The following NRXN3 variants were observed in gnomAD, a reference collection of about 807,000 sequenced individuals.
NRXN3 encodes neurexin 3.
In NRXN3, 32 loss-of-function variants were observed where a neutral mutation model predicts 137.6. The observed-to-expected ratio is 0.23, with a 90% CI of 0.18 to 0.31. The LOEUF (loss-of-function observed/expected upper bound fraction) is 0.31. Ranked by LOEUF, NRXN3 falls within the 10% of genes least tolerant of loss-of-function variation. The pLI, the probability that NRXN3 is intolerant of heterozygous loss-of-function variation, is 1.00. For synonymous variants in NRXN3, 798 were observed against 784.5 expected, an observed-to-expected ratio of 1.02 and a Z score of -0.29; for missense variants, 1,574 against 2,062.5, an observed-to-expected ratio of 0.76 and a Z score of 4.59.
intron 12 of NRXN3, 56 bp downstream of exon 12, chr14:78,966,462 C>T (rs11851757): frequency 0.084 from 128,472 of 1,530,364 alleles, 5,676 homozygotes; most frequent in African/African-American, 0.13. Context: ...TGAAGCTCTA[C>T]GTAAAATATG....
chr14:79,183,008 A>G (rs2063114353), intron 15 of NRXN3, among the ~76,000 whole-genome samples: 1 of 152,202 alleles, frequency 6.6e-6, no homozygotes, highest in Admixed American at 6.5e-5. Flanking sequence ...GTTAAAGAGA[A>G]ATATTGCTAT....
intron 15 of NRXN3, among the ~76,000 whole-genome samples, chr14:79,106,381 G>A (rs891207448): frequency 1.3e-5 from 2 of 151,866 alleles, no homozygotes; most frequent in East Asian, 3.9e-4. Flanking sequence ...AAAAGAATAA[G>A]CCAGAAGAAC....
At chr14:79,424,173 A>G (rs11159410) in intron 15 of NRXN3, among the ~76,000 whole-genome samples, 8,190 of 152,296 alleles carry the variant, frequency 0.054, 619 homozygotes, top group East Asian at 0.17. Flanking sequence ...TAAAACACAG[A>G]CACACATACA....
At chr14:78,497,718 T>G (rs540026455) in intron 4 of NRXN3, among the ~76,000 whole-genome samples, 2 of 152,262 alleles carry the variant, frequency 1.3e-5, no homozygotes, top group South Asian at 4.1e-4. Flanking sequence ...AGGCAATATA[T>G]TTCATGGTTA....
chr14:78,555,858 A>G (rs1048241050), intron 4 of NRXN3, among the ~76,000 whole-genome samples: 1 of 152,234 alleles, frequency 6.6e-6, no homozygotes, highest in Non-Finnish European at 1.5e-5. Context: ...AGAAGAAAAC[A>G]GAAGAGGTTA....
chr14:79,836,791 G>T (rs1012835297), intron 20 of NRXN3, among the ~76,000 whole-genome samples: 3 of 152,214 alleles, frequency 2.0e-5, no homozygotes, highest in African/African-American at 7.2e-5. Flanking sequence ...ATTTGTCATT[G>T]TTTACATAGC....
chr14:78,302,671 C>A, intron 4 of NRXN3, among the ~76,000 whole-genome samples: 1 of 152,210 alleles, frequency 6.6e-6, no homozygotes, highest in East Asian at 1.9e-4. Context: ...TCAAAGTCAA[C>A]CTTCATGTCA....
At chr14:79,006,142 G>A (rs1264519149) in intron 15 of NRXN3, among the ~76,000 whole-genome samples, 1 of 112,790 alleles carries the variant, frequency 8.9e-6, no homozygotes, top group Non-Finnish European at 1.5e-5. Flanking sequence ...CAGGTTGAGA[G>A]AAAATAGTAA....
At chr14:79,675,733 G>T (rs1603417135) in intron 17 of NRXN3, among the ~76,000 whole-genome samples, 2 of 152,158 alleles carry the variant, frequency 1.3e-5, no homozygotes, top group African/African-American at 4.8e-5. Flanking sequence ...AGTTAAAAAT[G>T]ACAAACAACA....
chr14:79,533,736 G>A (rs1026383072), intron 16 of NRXN3, among the ~76,000 whole-genome samples: 5 of 152,008 alleles, frequency 3.3e-5, no homozygotes, highest in Admixed American at 6.6e-5. Flanking sequence ...TTGTTGCATC[G>A]ACAATAATAA....
chr14:78,864,791 G>T (rs1016044678), intron 10 of NRXN3, among the ~76,000 whole-genome samples: 18 of 152,244 alleles, frequency 1.2e-4, no homozygotes, highest in African/African-American at 3.6e-4. Context: ...ACAAAAGTGG[G>T]CATGGCCTGA....
intron 20 of NRXN3, among the ~76,000 whole-genome samples, chr14:79,842,976 CATGTA>C (rs2099359314): frequency 6.6e-6 from 1 of 152,142 alleles, no homozygotes. Flanking sequence ...TAAATGAGAT[CATGTA>C]ATATCTTTCT....
intron 8 of NRXN3, chr14:78,744,294 A>AT (rs1009831166): frequency 1.3e-5 from 2 of 152,034 alleles, no homozygotes; most frequent in African/African-American, 4.8e-5. Flanking sequence ...ATACCTGGCT[A>AT]TTTTTTGTGT....
chr14:79,445,746 CA>C (rs1567148985), intron 15 of NRXN3, among the ~76,000 whole-genome samples: 1 of 152,124 alleles, frequency 6.6e-6, no homozygotes, highest in East Asian at 1.9e-4. Flanking sequence ...GAAGAAATCC[CA>C]GTGCTTGTAG....
At chr14:79,833,947 A>G (rs2099330007) in intron 20 of NRXN3, among the ~76,000 whole-genome samples, 1 of 152,166 alleles carries the variant, frequency 6.6e-6, no homozygotes, top group Non-Finnish European at 1.5e-5. Flanking sequence ...TCTGCAAGTG[A>G]CAACATCTTG....
chr14:78,415,892 G>A (rs538113027), intron 4 of NRXN3, among the ~76,000 whole-genome samples: 15 of 151,964 alleles, frequency 9.9e-5, no homozygotes, highest in African/African-American at 3.4e-4. Flanking sequence ...AACTATGCCG[G>A]CACACTGATC....
At chr14:79,594,341 A>G (rs1567605147) in intron 16 of NRXN3, among the ~76,000 whole-genome samples, 1 of 152,184 alleles carries the variant, frequency 6.6e-6, no homozygotes, top group Non-Finnish European at 1.5e-5. Context: ...CTGATAAAAA[A>G]TATCCTGCCA....
intron 19 of NRXN3, among the ~76,000 whole-genome samples, chr14:79,710,377 T>G (rs1415934791): frequency 6.6e-6 from 1 of 152,238 alleles, no homozygotes; most frequent in Admixed American, 6.5e-5. Flanking sequence ...AATCTATTTA[T>G]GTGTTGTATA....
intron 5 of NRXN3, chr14:78,649,337 T>G: frequency 7.8e-7 from 1 of 1,289,284 alleles, no homozygotes; most frequent in Non-Finnish European, 1.0e-6. Flanking sequence ...TATTGTCTCT[T>G]TTTTTGGGTT....
Sources: allele counts gnomAD v4.1 joint callset (sites outside exome capture counted in the v4.1 genomes callset), GRCh38; gene constraint gnomAD v4.1.1; transcripts MANE v1.5; gene names NCBI Gene and HGNC (gene_info 2026-07-23, HGNC 2026-07-21).